SMG6: variants seen among roughly 807,000 people sequenced by gnomAD.
SMG6 encodes the protein SMG6 nonsense mediated mRNA decay factor.
In SMG6, 66 loss-of-function variants were observed where a neutral mutation model predicts 142.2. The ratio of observed to expected loss-of-function variants is 0.46; its 90% CI spans 0.38 to 0.57. SMG6 has a LOEUF of 0.57. Ranked by LOEUF, SMG6 falls within the 20% of genes least tolerant of loss-of-function variation. The pLI is 0.00. For missense variants in SMG6, 1,793 were observed against 1,832.0 expected (o/e 0.98, Z 0.39); for synonymous variants, 779 against 702.4 (o/e 1.11, Z -1.72).
intron 3 of SMG6, among the ~76,000 whole-genome samples, 175 bp downstream of exon 3, chr17:2,297,688 C>T (rs1483121440): frequency 3.9e-5 from 6 of 152,108 alleles, no homozygotes; most frequent in African/African-American, 1.4e-4. Flanking sequence ...CTCCAATTGC[C>T]AGTAATTTAT....
intron 10 of SMG6, among the ~76,000 whole-genome samples, chr17:2,232,337 C>T (rs915329230): frequency 1.3e-5 from 2 of 152,172 alleles, no homozygotes; most frequent in South Asian, 2.1e-4. Flanking sequence ...GTGTTAAATA[C>T]GGAGGCACGT....
chr17:2,283,744 A>G lies in SMG6; in HGVS notation c.2338-9T>C. On this transcript the variant is annotated splice_polypyrimidine_tract_variant and intron_variant, in intron 6 of 18. Coordinates refer to ENST00000263073, the MANE Select transcript of SMG6 (RefSeq NM_017575.5). Reference sequence around the variant, plus strand: ...GCGTCAAGCTTCCTCCTCTGTGGAAAGAGGCCAGAGACATTCAGTCAACCA... The same window carrying G: ...GCGTCAAGCTTCCTCCTCTGTGGAAGGAGGCCAGAGACATTCAGTCAACCA... The G allele has an allele frequency of 6.2e-7, 1 of 1,607,578 alleles. No individual in the cohort carries two copies. Among genetic ancestry groups the G allele is most frequent in the Non-Finnish European group, 8.5e-7 (1 of 1,174,250 alleles).
At chr17:2,147,350 A>C (rs1339657829) in intron 13 of SMG6, among the ~76,000 whole-genome samples, 1 of 152,060 alleles carries the variant, frequency 6.6e-6, no homozygotes, top group Non-Finnish European at 1.5e-5. Flanking sequence ...CCAGGATTGC[A>C]CCACTGCACT....
At chr17:2,139,261 C>A (rs1378116987) in intron 13 of SMG6, among the ~76,000 whole-genome samples, 1 of 152,074 alleles carries the variant, frequency 6.6e-6, no homozygotes, top group East Asian at 1.9e-4. Context: ...AAATAAATGC[C>A]AAGGAACCAG....
intron 10 of SMG6, among the ~76,000 whole-genome samples, chr17:2,200,366 T>G (rs2072479808): frequency 6.6e-6 from 1 of 152,184 alleles, no homozygotes; most frequent in Non-Finnish European, 1.5e-5. Flanking sequence ...TTCCTTATTT[T>G]TTTTAATTAT....
At chr17:2,260,749 C>G (rs1463577355) in intron 8 of SMG6, among the ~76,000 whole-genome samples, 1 of 152,122 alleles carries the variant, frequency 6.6e-6, no homozygotes, top group Non-Finnish European at 1.5e-5. Flanking sequence ...AATCCCAGCA[C>G]TTTGGGAGGC....
At chr17:2,130,276 A>AAAAAAAAAAAAAAAAAAAC (rs1389709260) in intron 13 of SMG6, among the ~76,000 whole-genome samples, 3 of 146,676 alleles carry the variant, frequency 2.0e-5, no homozygotes, top group Non-Finnish European at 4.5e-5. Context: ...CAAAAAAAAA[A>AAAAAAAAAAAAAAAAAAAC]AAAAAAAAGA....
intron 13 of SMG6, among the ~76,000 whole-genome samples, chr17:2,158,641 A>G (rs2071080443): frequency 6.6e-6 from 1 of 152,178 alleles, no homozygotes; most frequent in Non-Finnish European, 1.5e-5. Context: ...CGGAAGGCTA[A>G]GCGCCGTGGC....
chr17:2,290,649 G>C (rs2151391958), intron 6 of SMG6, among the ~76,000 whole-genome samples: 1 of 152,286 alleles, frequency 6.6e-6, no homozygotes, highest in African/African-American at 2.4e-5. Flanking sequence ...AAAAGACACT[G>C]CTGAAGAATG....
intron 13 of SMG6, among the ~76,000 whole-genome samples, chr17:2,153,112 C>T (rs1372678426): frequency 6.6e-6 from 1 of 152,206 alleles, no homozygotes; most frequent in African/African-American, 2.4e-5. Context: ...ACCCGTGGCC[C>T]ACGCAGCCCA....
chr17:2,175,193 G>A (rs1033613117), intron 12 of SMG6, among the ~76,000 whole-genome samples: 4 of 152,216 alleles, frequency 2.6e-5, no homozygotes, highest in African/African-American at 7.2e-5. Context: ...GGCACTGCTC[G>A]GCTGCAGAGC....
At chr17:2,278,718 C>T (rs1487363058) in intron 8 of SMG6, among the ~76,000 whole-genome samples, 1 of 151,956 alleles carries the variant, frequency 6.6e-6, no homozygotes, top group Non-Finnish European at 1.5e-5. Context: ...TTCTAAATAC[C>T]GATTTGATCA....
intron 10 of SMG6, among the ~76,000 whole-genome samples, chr17:2,194,252 A>G (rs537992543): frequency 6.6e-6 from 1 of 152,364 alleles, no homozygotes; most frequent in South Asian, 2.1e-4. Flanking sequence ...AACAGGGAAC[A>G]TGAACTTGAC....
rs1226943815 is a variant in SMG6, at chr17:2,303,683, G to A, written c.38C>T (p.Ser13Leu). 22 of 1,496,342 alleles carry A rather than the reference G, an allele frequency of 1.5e-5. No homozygotes were observed. Among genetic ancestry groups the A allele is most frequent in the Non-Finnish European group, 1.4e-5 (16 of 1,129,340 alleles). 92.7% of individuals were successfully genotyped at this position (1,496,342 alleles called of 1,614,324 possible). A position where few individuals can be genotyped will look rare whatever the true frequency, so the allele number is the denominator to read the frequency against. Residue 13 changes from serine (S) to leucine (L), a missense_variant, in exon 1 of 19, where the codon TCG becomes TTG. Transcript: ENST00000263073. ...AGTAGCCAGGATCCCGCGCAGCTCC[G>A]ACGCGGAGATCCGCACACGCTCCAG... Reference protein sequence around the residue: ...EGLERVRISASELRGILATLA... With the variant: ...EGLERVRISALELRGILATLA...
At chr17:2,212,931 C>T (rs1170035969) in intron 10 of SMG6, among the ~76,000 whole-genome samples, 1 of 152,236 alleles carries the variant, frequency 6.6e-6, no homozygotes, top group Non-Finnish European at 1.5e-5. Flanking sequence ...CCTCACGAAG[C>T]CATTACATTT....
intron 8 of SMG6, chr17:2,266,211 A>G (rs951417862): frequency 2.0e-6 from 2 of 984,528 alleles, no homozygotes; most frequent in African/African-American, 3.5e-5. Context: ...GACTTTCCGG[A>G]TGGTAACTAA....
intron 13 of SMG6, among the ~76,000 whole-genome samples, chr17:2,153,208 T>C (rs2070880858): frequency 6.6e-6 from 1 of 152,176 alleles, no homozygotes; most frequent in South Asian, 2.1e-4. Flanking sequence ...TTAGTGTTAG[T>C]GTAGTCTATG....
rs192462646 is a variant in SMG6 at position 2,277,368 on chromosome 17, G to A, written c.2661+5279C>T. ...TTTTTAGTAGAGACGAGGTTTCACC[G>A]TGTTAGCCAGGATGGTCTCGATCTC... On this transcript the variant is annotated intron_variant, in intron 8 of 18. Transcript: ENST00000263073. Among the ~76,000 whole-genome samples, 110 of 151,752 alleles carry A rather than the reference G, an allele frequency of 7.2e-4. 1 individual carries two copies. Among genetic ancestry groups the A allele is most frequent in the African/African-American group, 2.4e-3 (100 of 41,382 alleles).
In SMG6 at chr17:2,071,083, C is replaced by T. The variant is rs769367901; in HGVS notation, c.3682-2152G>A. Among the ~76,000 whole-genome samples, 1 of 152,182 alleles carries T rather than the reference C, an allele frequency of 6.6e-6. No homozygotes were observed. Among genetic ancestry groups the T allele is most frequent in the Non-Finnish European group, 1.5e-5 (1 of 68,034 alleles). On this transcript the variant is annotated intron_variant, in intron 15 of 18. Transcript: ENST00000263073. The surrounding 1 kb of genome is among the most constrained non-coding windows in gnomAD (Gnocchi z 5.6). ...TCTTTCTGGGTGAGCAGGGACAGAA[C>T]AAGCATGGCTTAGGGAGACGTGGGA...
Sources: gnomAD v4.1 joint callset for allele counts (sites outside exome capture counted in the v4.1 genomes callset) on GRCh38, gnomAD v4.1.1 for gene constraint, Gnocchi (gnomAD v3.1) non-coding constraint, MANE v1.5 for transcripts, NCBI Gene and HGNC (gene_info 2026-07-23, HGNC 2026-07-21) for gene names.